Variants in EFNB2 observed in about 807,000 individuals in gnomAD.
EFNB2 encodes the protein ephrin B2.
Under a neutral mutation model 32.1 loss-of-function variants are expected in EFNB2, and 5 were observed. The observed-to-expected ratio is 0.16, with a 90% confidence interval of 0.08 to 0.33. The LOEUF is 0.33. EFNB2 is among the 10% of genes least tolerant of loss of function. The pLI is 1.00. For synonymous variants in EFNB2, 168 were observed against 166.5 expected (o/e 1.01, Z -0.07); for missense variants, 263 against 422.6 (o/e 0.62, Z 3.31).
chr13:106,497,265 TTC>T (rs1057235543), intron 2 of EFNB2, among the ~76,000 whole-genome samples: 1 of 152,218 alleles, frequency 6.6e-6, no homozygotes, highest in African/African-American at 2.4e-5. Context: ...ATCACTGTGC[TTC>T]TCTGAGTGCT....
chr13:106,513,494 C>G lies in EFNB2; in HGVS notation c.123-682G>C, dbSNP rs564775035. On this transcript the variant is annotated intron_variant, in intron 1 of 4. Coordinates refer to ENST00000646441, the MANE Select transcript of EFNB2 (RefSeq NM_004093.4). Reference sequence around the variant, plus strand: ...CTTGCAAGGACAACTACTGTCCCTGCCCTATAAATCTTTTTTTTTCTTCCC... The same window carrying G: ...CTTGCAAGGACAACTACTGTCCCTGGCCTATAAATCTTTTTTTTTCTTCCC... 5.9e-5 allele frequency among the ~76,000 whole-genome samples: 9 copies of G among 152,262 alleles called. No homozygotes were observed. In the East Asian group the frequency reaches 1.5e-3, roughly 26 times the overall value.
chr13:106,508,989 A>G (rs1250867994), intron 2 of EFNB2, among the ~76,000 whole-genome samples: 1 of 152,248 alleles, frequency 6.6e-6, no homozygotes, highest in Non-Finnish European at 1.5e-5. Flanking sequence ...ACAGAGGATC[A>G]TGTCCATTTG....
chr13:106,514,362 C>T (rs1289108710), intron 1 of EFNB2, among the ~76,000 whole-genome samples: 1 of 152,196 alleles, frequency 6.6e-6, no homozygotes, highest in Non-Finnish European at 1.5e-5. Context: ...GGTATCCCCT[C>T]AACCTTGTGA....
rs1880046323 is a variant in EFNB2 at position 106,535,444 on chromosome 13, TGTCCCGGAGC to T, written c.-490_-481del. 1 of 149,908 alleles carries T rather than the reference TGTCCCGGAGC, an allele frequency of 6.7e-6. No individual in the cohort carries two copies. Among genetic ancestry groups the T allele is most frequent in the Non-Finnish European group, 1.5e-5 (1 of 67,446 alleles). The allele number at this position is 149,908 out of a possible 1,614,324, so 9.3% of individuals were successfully genotyped here. A position where few individuals can be genotyped will look rare whatever the true frequency, so the allele number is the denominator to read the frequency against. ...CGGGCGCCGCGTCGGCGCGGTTCCA[TGTCCCGGAGC>T]ACGGAGCGGAGTAGGGCGCCTCCGG... On this transcript the variant is annotated 5_prime_UTR_variant, in exon 1 of 5. Coordinates refer to ENST00000646441, the MANE Select transcript of EFNB2 (RefSeq NM_004093.4).
chr13:106,504,035 G>A (rs111557656), intron 2 of EFNB2, among the ~76,000 whole-genome samples: 1,535 of 152,308 alleles, frequency 0.01, 25 homozygotes, highest in African/African-American at 0.033. Context: ...CTGAACCATG[G>A]AGAAGCAGGT....
chr13:106,495,031 A>C (rs1878542242), intron 3 of EFNB2, 37 bp from the exon 4 acceptor site: 1 of 1,498,956 alleles, frequency 6.7e-7, no homozygotes, highest in Non-Finnish European at 9.3e-7. Flanking sequence ...CGGCACAGAC[A>C]TCTGACAATA....
At chr13:106,533,971 G>C (rs750773869) in intron 1 of EFNB2, among the ~76,000 whole-genome samples, 13 of 152,222 alleles carry the variant, frequency 8.5e-5, no homozygotes, top group Non-Finnish European at 1.9e-4. Context: ...TCTCCACAAG[G>C]CCTGGCTCGC....
chr13:106,499,118 G>A (rs1379551253), intron 2 of EFNB2, among the ~76,000 whole-genome samples: 2 of 152,012 alleles, frequency 1.3e-5, no homozygotes, highest in African/African-American at 2.4e-5. Flanking sequence ...CAAGTATAAC[G>A]TAATTCAAAA....
intron 2 of EFNB2, among the ~76,000 whole-genome samples, chr13:106,502,949 C>T (rs1443456276): frequency 6.6e-6 from 1 of 152,170 alleles, no homozygotes; most frequent in African/African-American, 2.4e-5. Flanking sequence ...ACCGTCCAGG[C>T]TCAGTGATGT....
At chr13:106,500,890 G>A (rs765542203) in intron 2 of EFNB2, among the ~76,000 whole-genome samples, 11 of 152,098 alleles carry the variant, frequency 7.2e-5, no homozygotes, top group Non-Finnish European at 1.0e-4. Context: ...AAGCAAAGCC[G>A]TGACTTTAAA....
rs1302207093 is a variant in EFNB2 at position 106,490,661 on chromosome 13, A to G, written c.*2379T>C. 2 of 152,132 alleles carry G rather than the reference A, an allele frequency of 1.3e-5. No individual in the cohort carries two copies. Among genetic ancestry groups the G allele is most frequent in the Non-Finnish European group, 2.9e-5 (2 of 68,036 alleles). 9.4% of individuals were successfully genotyped at this position (152,132 alleles called of 1,614,324 possible). A position where few individuals can be genotyped will look rare whatever the true frequency, so the allele number is the denominator to read the frequency against. ...AAGAAACTCTTGCATGAATGCACAG[A>G]AAGGAGAGGTTGGGGTGATGGAAAG... On this transcript the variant is annotated 3_prime_UTR_variant, in exon 5 of 5. Transcript: ENST00000646441.
chr13:106,512,896 A>C, intron 1 of EFNB2, 84 bp from the exon 2 acceptor site: 1 of 1,212,070 alleles, frequency 8.3e-7, no homozygotes, highest in South Asian at 1.8e-5. Flanking sequence ...GGCAATGCCC[A>C]TAATCCCAAA....
rs527635832 is a variant in EFNB2 at position 106,504,209 on chromosome 13, C to A, written c.406+8320G>T. Reference sequence around the variant, plus strand: ...GGGTGCACATCCCACAACCCTCTAGCTCTTTCTACTGTCACTAATTGCATG... The same window carrying A: ...GGGTGCACATCCCACAACCCTCTAGATCTTTCTACTGTCACTAATTGCATG... On this transcript the variant is annotated intron_variant, in intron 2 of 4. Transcript: ENST00000646441. 2.0e-5 allele frequency among the ~76,000 whole-genome samples: 3 copies of A among 152,304 alleles called. No individual in the cohort carries two copies. In the South Asian group the frequency reaches 6.2e-4, roughly 32 times the overall value.
intron 1 of EFNB2, among the ~76,000 whole-genome samples, chr13:106,534,287 C>T (rs1249573314): frequency 2.0e-5 from 3 of 152,160 alleles, no homozygotes; most frequent in Non-Finnish European, 2.9e-5. Flanking sequence ...CGCGCACCCT[C>T]GGGCTGGCGG....
At chr13:106,504,405 T>C (rs1301555609) in intron 2 of EFNB2, among the ~76,000 whole-genome samples, 1 of 152,124 alleles carries the variant, frequency 6.6e-6, no homozygotes, top group African/African-American at 2.4e-5. Flanking sequence ...GTCACTCTCA[T>C]GGACACACAC....
intron 1 of EFNB2, chr13:106,519,295 T>C (rs948720616): frequency 6.6e-6 from 1 of 152,326 alleles, no homozygotes; most frequent in Admixed American, 6.5e-5. Context: ...TAAAGATCTA[T>C]TTAAATATTT....
chr13:106,510,541 T>C (rs1242070102), intron 2 of EFNB2, among the ~76,000 whole-genome samples: 2 of 152,250 alleles, frequency 1.3e-5, no homozygotes, highest in Admixed American at 6.5e-5. Context: ...ATTAGGGACA[T>C]GCGTTCACTG....
At chr13:106,528,982 T>C (rs1879789974) in intron 1 of EFNB2, among the ~76,000 whole-genome samples, 1 of 152,208 alleles carries the variant, frequency 6.6e-6, no homozygotes, top group Admixed American at 6.5e-5. Context: ...TAGAGCCCAC[T>C]GCTTTTGGCA....
intron 2 of EFNB2, among the ~76,000 whole-genome samples, chr13:106,496,879 C>A (rs1195890195): frequency 1.3e-5 from 2 of 152,112 alleles, no homozygotes; most frequent in African/African-American, 4.8e-5. Context: ...GTGGAGAGTG[C>A]TAGACATTTT....
Sources: gnomAD v4.1 joint callset for allele counts (sites outside exome capture counted in the v4.1 genomes callset) on GRCh38, gnomAD v4.1.1 for gene constraint, MANE v1.5 for transcripts, NCBI Gene and HGNC (gene_info 2026-07-23, HGNC 2026-07-21) for gene names.